ZNF586: variants seen among roughly 807,000 people sequenced by gnomAD.
The protein encoded by ZNF586 is zinc finger protein 586.
In ZNF586, 7 loss-of-function variants were observed where a neutral mutation model predicts 6.7. The observed-to-expected ratio is 1.04, with a 90% CI of 0.59 to 1.95. The LOEUF (loss-of-function observed/expected upper bound fraction) is 1.95. Ranked by LOEUF, ZNF586 falls within the 30% of genes most tolerant of loss-of-function variation. The pLI is 0.00. For missense variants in ZNF586, 442 were observed against 489.6 expected (o/e 0.90, Z 0.92); for synonymous variants, 166 against 168.7 (o/e 0.98, Z 0.12).
intron 1 of ZNF586, among the ~76,000 whole-genome samples, chr19:57,773,560 TGCCTGG>T (rs1430895730): frequency 1.3e-5 from 2 of 152,044 alleles, no homozygotes; most frequent in African/African-American, 4.8e-5. Flanking sequence ...CCTGCCACCA[TGCCTGG>T]CTAATTTTTG....
At position 57,779,109 on chromosome 19, in the gene ZNF586, A is replaced by G; in HGVS notation, c.522A>G (p.Arg174=). The G allele has an allele frequency of 6.2e-7, 1 of 1,614,156 alleles. No homozygotes were observed. The highest frequency in any genetic ancestry group is 8.5e-7 in the Non-Finnish European group (1 of 1,180,036). ...SLLQRQTLHT[R]ERPYECIECG... ...TGCAGCGTCAGACACTTCACACTAGAGAAAGGCCTTATGAGTGTATTGAAT... is the reference window on the plus strand; with the variant it reads ...TGCAGCGTCAGACACTTCACACTAGGGAAAGGCCTTATGAGTGTATTGAAT... The change falls in exon 3 of 3, where the codon AGA becomes AGG. Residue 174 remains arginine, a synonymous_variant. Transcript: ENST00000396154.
At position 57,779,012 on chromosome 19, in the gene ZNF586, G is replaced by C; in HGVS notation, c.425G>C (p.Arg142Thr). ...AAGCCTACACTCCATATTCATGAGAGATTTCATACTGGGCAAAAGACCTAT... is the reference window on the plus strand; with the variant it reads ...AAGCCTACACTCCATATTCATGAGACATTTCATACTGGGCAAAAGACCTAT... ...HQKPTLHIHE[R>T]FHTGQKTYEC... The change falls in exon 3 of 3, where the codon AGA becomes ACA. Residue 142 changes from arginine (R) to threonine (T), a missense_variant. By Grantham distance (71) the Arg-to-Thr change is moderately conservative. Transcript: ENST00000396154. 1 of 1,614,092 alleles carries C rather than the reference G, an allele frequency of 6.2e-7. No homozygotes were observed. Among genetic ancestry groups the C allele is most frequent in the Non-Finnish European group, 8.5e-7 (1 of 1,180,012 alleles).
Position 57,769,783 on chromosome 19 carries a change from C to T in ZNF586, c.-60C>T. 2 of 1,529,478 alleles carry T rather than the reference C, an allele frequency of 1.3e-6. No homozygotes were observed. The highest frequency in any genetic ancestry group is 1.8e-6 in the Non-Finnish European group (2 of 1,133,174). 94.7% of individuals were successfully genotyped at this position (1,529,478 alleles called of 1,614,324 possible). On this transcript the variant is annotated 5_prime_UTR_variant, in exon 1 of 3. Coordinates refer to ENST00000396154, the MANE Select transcript of ZNF586 (RefSeq NM_017652.4). ...GGTTCGGCGACGCCGCTGGTCGCGACCCGGGACAGGACAACGACAGGAACA... is the reference window on the plus strand; with the variant it reads ...GGTTCGGCGACGCCGCTGGTCGCGATCCGGGACAGGACAACGACAGGAACA...
rs772582341 is a variant in ZNF586 at position 57,779,677 on chromosome 19, T to G, written c.1090T>G (p.Leu364Val). 1.2e-6 allele frequency: 2 copies of G among 1,613,484 alleles called. No individual in the cohort carries two copies. Among genetic ancestry groups the G allele is most frequent in the East Asian group, 4.5e-5 (2 of 44,850 alleles). ...FAENSSLIKH[L>V]RVHTGERPYE... ...TGAAAACTCCAGCCTTATTAAACAC[T>G]TGAGAGTTCACACTGGAGAAAGGCC... Residue 364 changes from leucine to valine, a missense_variant, in exon 3 of 3, where the codon TTG (leucine) becomes GTG (valine). Leu to Val is a conservative substitution (Grantham distance 32, BLOSUM62 1). Coordinates refer to ENST00000396154, the MANE Select transcript of ZNF586 (RefSeq NM_017652.4).
rs757245547 is a variant in ZNF586, at chr19:57,769,833, G to A, written c.-10G>A. On this transcript the variant is annotated 5_prime_UTR_variant, in exon 1 of 3. Coordinates refer to ENST00000396154, the MANE Select transcript of ZNF586 (RefSeq NM_017652.4). ...ACCGCCGAGCCCGCGTTCCCCCCCC[G>A]CCCAGAGTCATGGCGGCAGCAGCCG... The A allele has an allele frequency of 3.4e-6, 5 of 1,470,364 alleles. No individual in the cohort carries two copies. The highest frequency in any genetic ancestry group is 1.8e-6 in the Non-Finnish European group (2 of 1,097,608). The allele number at this position is 1,470,364 out of a possible 1,614,324, so 91.1% of individuals were successfully genotyped here.
chr19:57,778,391 T>G (rs900917673), intron 2 of ZNF586, among the ~76,000 whole-genome samples: 1 of 152,152 alleles, frequency 6.6e-6, no homozygotes, highest in Admixed American at 6.6e-5. Context: ...ATACCTATTC[T>G]TAACAGTCCC....
At chr19:57,772,308 T>C (rs1987115680) in intron 1 of ZNF586, among the ~76,000 whole-genome samples, 1 of 152,118 alleles carries the variant, frequency 6.6e-6, no homozygotes, top group Non-Finnish European at 1.5e-5. Context: ...TGGAAAAAAA[T>C]ACAAATTGCT....
Position 57,769,690 on chromosome 19 carries a change from T to A in ZNF586, c.-153T>A. On this transcript the variant is annotated 5_prime_UTR_variant, in exon 1 of 3. Transcript: ENST00000396154. ...CAGCCATTTTGGCCTGTCAGGTCCA[T>A]CCGGCGATGCTGGGTCTGGACGAGC... 1.2e-6 allele frequency: 1 copy of A among 812,154 alleles called. No homozygotes were observed. 50.3% of individuals were successfully genotyped at this position (812,154 alleles called of 1,614,324 possible). A position where few individuals can be genotyped will look rare whatever the true frequency, so the allele number is the denominator to read the frequency against.
intron 1 of ZNF586, among the ~76,000 whole-genome samples, chr19:57,774,025 C>T (rs577291776): frequency 2.3e-4 from 35 of 149,872 alleles, no homozygotes; most frequent in Admixed American, 2.1e-3. Context: ...AGATCAGCGT[C>T]GCCAACATGA....
chr19:57,777,769 T>TTC (rs1306006324), intron 2 of ZNF586, among the ~76,000 whole-genome samples: 1 of 146,202 alleles, frequency 6.8e-6, no homozygotes, highest in Non-Finnish European at 1.5e-5. Flanking sequence ...TTTTTTTTTT[T>TTC]TTTGAGATGG....
rs755161500 is a variant in ZNF586 at position 57,779,031 on chromosome 19, G to A, written c.444G>A (p.Lys148=). 2.5e-6 allele frequency: 4 copies of A among 1,614,130 alleles called. No homozygotes were observed. Among genetic ancestry groups the A allele is most frequent in the African/African-American group, 1.3e-5 (1 of 75,014 alleles). Residue 148 remains lysine, a synonymous_variant, in exon 3 of 3, where the codon AAG becomes AAA. Transcript: ENST00000396154. ...HIHERFHTGQ[K]TYECSECGKS... is the part of the protein sequence containing the mutation. Reference sequence around the variant, plus strand: ...ATGAGAGATTTCATACTGGGCAAAAGACCTATGAGTGCAGTGAGTGTGGAA... The same window carrying A: ...ATGAGAGATTTCATACTGGGCAAAAAACCTATGAGTGCAGTGAGTGTGGAA...
intron 2 of ZNF586, among the ~76,000 whole-genome samples, chr19:57,778,180 T>C (rs1224363224): frequency 6.6e-6 from 1 of 151,412 alleles, no homozygotes; most frequent in Non-Finnish European, 1.5e-5. Flanking sequence ...CAAGCAAGTC[T>C]CCTGCCTCAG....
chr19:57,779,760 T>C lies in ZNF586; in HGVS notation c.1173T>C (p.His391=). ...SFRHSSSFRR[H]QRVHTGMRPY... ...GCCACAGTTCTTCGTTCCGTCGCCA[T>C]CAGAGAGTTCATACTGGAATGAGGC... Residue 391 remains histidine (H), a synonymous_variant, in exon 3 of 3, where the codon CAT becomes CAC. Coordinates refer to ENST00000396154, the MANE Select transcript of ZNF586 (RefSeq NM_017652.4). 1 of 1,607,724 alleles carries C rather than the reference T, an allele frequency of 6.2e-7. No individual in the cohort carries two copies. The highest frequency in any genetic ancestry group is 1.7e-4 in the Middle Eastern group (1 of 6,036).
chr19:57,772,496 G>A (rs1416727185), intron 1 of ZNF586, among the ~76,000 whole-genome samples: 2 of 93,608 alleles, frequency 2.1e-5, no homozygotes, highest in East Asian at 3.3e-4. Flanking sequence ...CAAGCCCCAG[G>A]ATGTTTTTTT....
In ZNF586 at chr19:57,776,729, T is replaced by C. The variant is rs957332175; in HGVS notation, c.163+60T>C. The C allele has an allele frequency of 1.1e-5, 17 of 1,507,720 alleles. No homozygotes were observed. In the African/African-American group the frequency reaches 2.1e-4, roughly 19 times the overall value. The allele number at this position is 1,507,720 out of a possible 1,614,324, so 93.4% of individuals were successfully genotyped here. A position where few individuals can be genotyped will look rare whatever the true frequency, so the allele number is the denominator to read the frequency against. ...GTCTGTGCCCCTCACCTTTATGCCT[T>C]ATCTCTTTCTCACACCAGGACCATG... On this transcript the variant is annotated intron_variant, in intron 2 of 2. Coordinates refer to ENST00000396154, the MANE Select transcript of ZNF586 (RefSeq NM_017652.4).
Position 57,779,709 on chromosome 19 carries a change from A to G in ZNF586, c.1122A>G (p.Glu374=), listed in dbSNP as rs776963496. The G allele has an allele frequency of 6.2e-7, 1 of 1,614,064 alleles. No individual in the cohort carries two copies. Among genetic ancestry groups the G allele is most frequent in the Admixed American group, 1.7e-5 (1 of 60,014 alleles). The change falls in exon 3 of 3, where the codon GAA becomes GAG. Residue 374 remains glutamate (E), a synonymous_variant. Coordinates refer to ENST00000396154, the MANE Select transcript of ZNF586 (RefSeq NM_017652.4). ...TTCACACTGGAGAAAGGCCATATGA[A>G]TGCATTGATTGTGGAAAATCATTTC... ...LRVHTGERPY[E]CIDCGKSFRH... is the part of the protein sequence containing the mutation.
intron 2 of ZNF586, among the ~76,000 whole-genome samples, chr19:57,776,919 C>T (rs1987252411): frequency 6.6e-6 from 1 of 152,164 alleles, no homozygotes. Flanking sequence ...ATGCCTCCCA[C>T]CTTGGTTGTC....
intron 1 of ZNF586, among the ~76,000 whole-genome samples, chr19:57,773,038 T>C (rs977741525): frequency 6.6e-6 from 1 of 152,186 alleles, no homozygotes; most frequent in African/African-American, 2.4e-5. Flanking sequence ...AGGAGTTGCA[T>C]GCCAGAAAAG....
chr19:57,775,600 CTTTT>C (rs563657252), intron 1 of ZNF586, among the ~76,000 whole-genome samples: 1 of 122,768 alleles, frequency 8.1e-6, no homozygotes. Flanking sequence ...CCTGGTTGCT[CTTTT>C]TTTTTTTTTT....
Sources: allele counts gnomAD v4.1 joint callset (sites outside exome capture counted in the v4.1 genomes callset), GRCh38; gene constraint gnomAD v4.1.1; transcripts MANE v1.5; gene names NCBI Gene and HGNC (gene_info 2026-07-23, HGNC 2026-07-21).